HPS1: variants seen among roughly 807,000 people sequenced by gnomAD.
HPS1 encodes HPS1 biogenesis of lysosomal organelles complex 3 subunit 1, also known as BLOC-3 complex member HPS1.
Under a neutral mutation model 90.6 loss-of-function variants are expected in HPS1, and 59 were observed. The observed-to-expected ratio is 0.65, with a 90% CI of 0.53 to 0.81. HPS1 has a LOEUF of 0.81. Ranked by LOEUF, HPS1 falls within the 30% of genes least tolerant of loss-of-function variation. The pLI is 0.00. For missense variants in HPS1, 849 were observed against 896.7 expected (o/e 0.95, Z 0.68); for synonymous variants, 388 against 384.4 (o/e 1.01, Z -0.11).
Position 98,423,661 on chromosome 10 carries a change from G to A in HPS1, c.1540C>T (p.Leu514=), listed in dbSNP as rs372788980. ...DQVQRLMREK[L]TDWKDFLLVK... ...AGCAAGAAGTCCTTCCAGTCCGTCA[G>A]CTTCTCCCTGCCGAGGGAAGCTCGG... Residue 514 remains leucine, a synonymous_variant, in exon 16 of 20, where the codon CTG becomes TTG. Transcript: ENST00000361490. The A allele has an allele frequency of 5.0e-6, 8 of 1,614,070 alleles. No individual in the cohort carries two copies. The highest frequency in any genetic ancestry group is 5.9e-6 in the Non-Finnish European group (7 of 1,179,994).
rs4919225 is a variant in HPS1, at chr10:98,427,138, G to A, written c.987+77C>T. 37,079 of 1,288,772 alleles carry A rather than the reference G, an allele frequency of 0.029. 653 individuals carry two copies. The highest frequency in any genetic ancestry group is 0.036 in the Non-Finnish European group (32,477 of 910,446). 79.8% of individuals were successfully genotyped at this position (1,288,772 alleles called of 1,614,324 possible). ...GCACGGGTAGAGTCACCCTGGAGGC[G>A]AAACCCTCAGAGCCCCCAATACTCA... On this transcript the variant is annotated intron_variant, in intron 11 of 19. Transcript: ENST00000361490.
rs576309765 is a variant in HPS1 at position 98,418,769 on chromosome 10, G to A, written c.1858-512C>T. On this transcript the variant is annotated intron_variant, in intron 18 of 19. Transcript: ENST00000361490. ...CCCTAGTGTGCAGGGCTGCCCCCAC[G>A]GCACCGGCTGGGCTGTGTGGCTGGC... 1.6e-4 allele frequency among the ~76,000 whole-genome samples: 25 copies of A among 152,338 alleles called. No homozygotes were observed. The East Asian group carries it at 4.4e-3, about 27-fold the overall frequency.
intron 8 of HPS1, 79 bp downstream of exon 8, chr10:98,430,492 G>T (rs920055543): frequency 9.2e-7 from 1 of 1,088,668 alleles, no homozygotes; most frequent in Non-Finnish European, 1.4e-6. Flanking sequence ...CCCAGGGGGA[G>T]CCTGCCCACC....
At chr10:98,434,673 C>T (rs1015620847) in intron 5 of HPS1, among the ~76,000 whole-genome samples, 3 of 152,042 alleles carry the variant, frequency 2.0e-5, no homozygotes, top group African/African-American at 7.3e-5. Context: ...CCCAATCCAT[C>T]TTAGAGAATC....
intron 13 of HPS1, among the ~76,000 whole-genome samples, chr10:98,424,748 G>A (rs1008370265): frequency 6.6e-6 from 1 of 152,078 alleles, no homozygotes; most frequent in African/African-American, 2.4e-5. Context: ...GGGTGGGCAT[G>A]GGGTAGCCAT....
chr10:98,431,115 C>T lies in HPS1; in HGVS notation c.668+16G>A. ...CAGGGAGCCTTTAGCCACCACATGCCAGACCTTGAGCTCACCTAGAGTAGA... is the reference window on the plus strand; with the variant it reads ...CAGGGAGCCTTTAGCCACCACATGCTAGACCTTGAGCTCACCTAGAGTAGA... On this transcript the variant is annotated intron_variant, in intron 7 of 19. Transcript: ENST00000361490. 1 of 1,613,890 alleles carries T rather than the reference C, an allele frequency of 6.2e-7. No homozygotes were observed. The highest frequency in any genetic ancestry group is 8.5e-7 in the Non-Finnish European group (1 of 1,179,940).
chr10:98,429,470 C>T (rs1364432473), intron 10 of HPS1, 103 bp downstream of exon 10: 1 of 1,596,606 alleles, frequency 6.3e-7, no homozygotes, highest in African/African-American at 1.3e-5. Context: ...TGCACTCAAG[C>T]CTTAGGAGGC....
chr10:98,435,804 G>C lies in HPS1; in HGVS notation c.118-32C>G, dbSNP rs201305968. 1.1e-5 allele frequency: 18 copies of C among 1,614,056 alleles called. No homozygotes were observed. In the African/African-American group the frequency reaches 2.0e-4, roughly 18 times the overall value. Reference sequence around the variant, plus strand: ...AAATGGGGGAAAATTTCACAGCTTAGAGTGGGCCAGACACCAAGAACTAAG... The same window carrying C: ...AAATGGGGGAAAATTTCACAGCTTACAGTGGGCCAGACACCAAGAACTAAG... On this transcript the variant is annotated intron_variant, in intron 3 of 19. Coordinates refer to ENST00000361490, the MANE Select transcript of HPS1 (RefSeq NM_000195.5). This position sits in a 1 kb window ranked among gnomAD's most constrained non-coding sequence, Gnocchi z 4.3.
At chr10:98,431,603 G>A (rs1028137405) in intron 6 of HPS1, among the ~76,000 whole-genome samples, 1 of 152,234 alleles carries the variant, frequency 6.6e-6, no homozygotes, top group African/African-American at 2.4e-5. Flanking sequence ...TGGGTAGGGT[G>A]TCCAAAGAAA....
In HPS1 at chr10:98,446,903, C is replaced by A. The variant is rs2136386936; in HGVS notation, c.-202G>T. 6.6e-6 allele frequency: 1 copy of A among 152,180 alleles called. No individual in the cohort carries two copies. Among genetic ancestry groups the A allele is most frequent in the South Asian group, 2.1e-4 (1 of 4,820 alleles). 9.4% of individuals were successfully genotyped at this position (152,180 alleles called of 1,614,324 possible). A position where few individuals can be genotyped will look rare whatever the true frequency, so the allele number is the denominator to read the frequency against. On this transcript the variant is annotated 5_prime_UTR_variant, in exon 1 of 20. Coordinates refer to ENST00000361490, the MANE Select transcript of HPS1 (RefSeq NM_000195.5). ...CCCACGTACCGGATCGCGGCGCGCA[C>A]AGCGCCCCGCCTGCAGGAGCCCGGG...
Position 98,442,792 on chromosome 10 carries a change from G to A in HPS1, c.117+332C>T, listed in dbSNP as rs568427832. ...CAAAGTGTTGTGATTACAGGCGTGAGCCACCGCGCCCAGCCTTGTTAAACT... is the reference window on the plus strand; with the variant it reads ...CAAAGTGTTGTGATTACAGGCGTGAACCACCGCGCCCAGCCTTGTTAAACT... On this transcript the variant is annotated intron_variant, in intron 3 of 19. Coordinates refer to ENST00000361490, the MANE Select transcript of HPS1 (RefSeq NM_000195.5). The A allele has an allele frequency of 8.4e-6, 3 of 358,170 alleles. No homozygotes were observed. In the East Asian group the frequency reaches 2.1e-4, roughly 25 times the overall value. The allele number at this position is 358,170 out of a possible 1,614,324, so 22.2% of individuals were successfully genotyped here.
At chr10:98,423,289 C>CG (rs1036621681) in intron 16 of HPS1, among the ~76,000 whole-genome samples, 14 of 151,328 alleles carry the variant, frequency 9.3e-5, no homozygotes, top group African/African-American at 2.7e-4. Context: ...ACCCCCCCCC[C>CG]GGTCCCCACC....
chr10:98,414,098 T>G (rs1358827670), downstream of HPS1: 1 of 152,140 alleles, frequency 6.6e-6, no homozygotes, highest in Non-Finnish European at 1.5e-5. Context: ...TATATACATA[T>G]ATATACATGT....
At chr10:98,431,334 C>A (rs775304154) in intron 6 of HPS1, 43 bp from the exon 7 acceptor site, 1 of 1,604,154 alleles carries the variant, frequency 6.2e-7, no homozygotes, top group South Asian at 1.1e-5. Flanking sequence ...TCACCAACAA[C>A]CTTGCCCCAC....
intron 10 of HPS1, 116 bp downstream of exon 10, chr10:98,429,457 A>G: frequency 1.9e-6 from 3 of 1,583,134 alleles, no homozygotes; most frequent in Non-Finnish European, 1.7e-6. Flanking sequence ...GAACACGGGT[A>G]CCTGCACTCA....
At chr10:98,426,479 T>C (rs930350981) in intron 11 of HPS1, among the ~76,000 whole-genome samples, 2 of 152,174 alleles carry the variant, frequency 1.3e-5, no homozygotes, top group African/African-American at 2.4e-5. Flanking sequence ...AAGCCTTTAG[T>C]GCAAAAAATT....
In HPS1 at chr10:98,425,882, A is replaced by AG. The variant is rs2136156603; in HGVS notation, c.1090dup (p.Leu364ProfsTer89). 6.2e-7 allele frequency: 1 copy of AG among 1,614,110 alleles called. No homozygotes were observed. Among genetic ancestry groups the AG allele is most frequent in the Non-Finnish European group, 8.5e-7 (1 of 1,180,006 alleles). On this transcript the variant is annotated frameshift_variant, in exon 12 of 20. Coordinates refer to ENST00000361490, the MANE Select transcript of HPS1 (RefSeq NM_000195.5). LOFTEE classifies it high-confidence loss of function. ...CAGGCAGTACATGGTGTGGGGCACT[A>AG]GGGGGCAGTAGCTTTCCTTCACGTT...
At position 98,424,388 on chromosome 10, in the gene HPS1, A is replaced by G. The variant is rs1845319848; in HGVS notation, c.1336-14T>C. The G allele has an allele frequency of 1.2e-6, 2 of 1,610,920 alleles. No homozygotes were observed. Among genetic ancestry groups the G allele is most frequent in the Non-Finnish European group, 1.7e-6 (2 of 1,178,390 alleles). Reference sequence around the variant, plus strand: ...CAGCCAGGTGCTCTGGAAGGAAGACAGGGGGCAGGTTTGCATCCCGACCAT... The same window carrying G: ...CAGCCAGGTGCTCTGGAAGGAAGACGGGGGGCAGGTTTGCATCCCGACCAT... On this transcript the variant is annotated splice_polypyrimidine_tract_variant and intron_variant, in intron 13 of 19. Coordinates refer to ENST00000361490, the MANE Select transcript of HPS1 (RefSeq NM_000195.5).
intron 17 of HPS1, among the ~76,000 whole-genome samples, chr10:98,421,631 C>G (rs1465916824): frequency 6.6e-6 from 1 of 152,182 alleles, no homozygotes; most frequent in Non-Finnish European, 1.5e-5. Flanking sequence ...CCCCAACTGT[C>G]TCCAGAATGA....
Sources: allele counts gnomAD v4.1 joint callset (sites outside exome capture counted in the v4.1 genomes callset), GRCh38; gene constraint gnomAD v4.1.1; non-coding constraint Gnocchi (gnomAD v3.1); transcripts MANE v1.5; gene names NCBI Gene and HGNC (gene_info 2026-07-23, HGNC 2026-07-21).